HPSE: variants seen among roughly 807,000 people sequenced by gnomAD.
HPSE encodes endo-glucoronidase.
Under a neutral mutation model 65.1 loss-of-function variants are expected in HPSE, and 48 were observed. The ratio of observed to expected loss-of-function variants is 0.74; its 90% CI spans 0.58 to 0.94. The LOEUF (loss-of-function observed/expected upper bound fraction) is 0.94, where lower values mean the gene tolerates loss of function less well. HPSE is among the 40% of genes least tolerant of loss of function. HPSE has a pLI of 0.00. For missense variants in HPSE, 644 were observed against 637.5 expected (o/e 1.01, Z -0.11); for synonymous variants, 243 against 260.0 (o/e 0.93, Z 0.63).
rs70949703 is a variant in HPSE, at chr4:83,325,130, GGTGTGTGTGTGTGTGT to G, written c.228-2782_228-2767del. ...CGTTATATTTTAAATTATACAACTT[GGTGTGTGTGTGTGTGT>G]GTGTGTGTGTGTGTGTGTGTGTGTG... On this transcript the variant is annotated intron_variant, in intron 1 of 11. Transcript: ENST00000311412. Among the ~76,000 whole-genome samples, 1,151 of 134,262 alleles carry G rather than the reference GGTGTGTGTGTGTGTGT, an allele frequency of 8.6e-3. 13 individuals are homozygous for G. Among genetic ancestry groups the G allele is most frequent in the Middle Eastern group, 0.027 (7 of 264 alleles). The allele number at this position is 134,262 out of a possible 152,430, so 88.1% of individuals were successfully genotyped here.
chr4:83,303,810 T>A (rs977761232), intron 9 of HPSE, among the ~76,000 whole-genome samples: 3 of 152,180 alleles, frequency 2.0e-5, no homozygotes, highest in African/African-American at 7.2e-5. Flanking sequence ...ATTACAGGTG[T>A]GAGCCACCAC....
Position 83,301,023 on chromosome 4 carries a change from A to G in HPSE, c.1409T>C (p.Phe470Ser), listed in dbSNP as rs1037516976. The G allele has an allele frequency of 3.7e-6, 6 of 1,608,904 alleles. No homozygotes were observed. In the African/African-American group the frequency reaches 6.7e-5, roughly 18 times the overall value. ...VTKYLRLPYP[F>S]SNKQVDKYLL... ...GTATTTATCCACTTGCTTGTTAGAAAAAGGATAGGGTAACCGCAAGTACTT... is the reference window on the plus strand; with the variant it reads ...GTATTTATCCACTTGCTTGTTAGAAGAAGGATAGGGTAACCGCAAGTACTT... Residue 470 changes from phenylalanine to serine, a missense_variant, in exon 11 of 12, where the codon TTT becomes TCT. Physicochemically the swap from Phe to Ser is radical, Grantham distance 155. Transcript: ENST00000311412.
intron 10 of HPSE, among the ~76,000 whole-genome samples, chr4:83,301,391 G>A (rs1735943128): frequency 6.6e-6 from 1 of 152,122 alleles, no homozygotes. Flanking sequence ...CTGCCAGCTG[G>A]GTTGTTAAGA....
At chr4:83,312,832 C>G (rs1736454089) in intron 4 of HPSE, among the ~76,000 whole-genome samples, 2 of 46,970 alleles carry the variant, frequency 4.3e-5, no homozygotes, top group Non-Finnish European at 7.7e-5. Context: ...CCCGTCTCTA[C>G]TAAAAATGCA....
At chr4:83,308,134 G>A (rs968277169) in intron 8 of HPSE, among the ~76,000 whole-genome samples, 3 of 150,726 alleles carry the variant, frequency 2.0e-5, no homozygotes, top group East Asian at 1.9e-4. Context: ...GTGGCCGGGC[G>A]TGGTGGCTCA....
At chr4:83,295,876 C>A (rs1030490067) in intron 11 of HPSE, among the ~76,000 whole-genome samples, 3 of 152,130 alleles carry the variant, frequency 2.0e-5, no homozygotes, top group African/African-American at 7.2e-5. Flanking sequence ...ATAATTGAAA[C>A]CTTTTTTATG....
chr4:83,327,679 T>C (rs1285838615), intron 1 of HPSE, among the ~76,000 whole-genome samples: 1 of 152,182 alleles, frequency 6.6e-6, no homozygotes, highest in African/African-American at 2.4e-5. Flanking sequence ...AAAGCAGAGG[T>C]GTGCTGGAGT....
chr4:83,319,280 C>T (rs1322969553), intron 3 of HPSE, 64 bp downstream of exon 3: 31 of 1,534,286 alleles, frequency 2.0e-5, no homozygotes, highest in African/African-American at 2.8e-5. Context: ...GATTGGTGCC[C>T]GAGTCCAACC....
intron 8 of HPSE, among the ~76,000 whole-genome samples, chr4:83,306,558 A>G (rs1667223369): frequency 6.6e-6 from 1 of 152,090 alleles, no homozygotes; most frequent in Admixed American, 6.6e-5. Context: ...TGGGACTGAA[A>G]CCGCCTTTGC....
chr4:83,332,439 G>A (rs1355518757), intron 1 of HPSE, among the ~76,000 whole-genome samples: 1 of 152,242 alleles, frequency 6.6e-6, no homozygotes, highest in African/African-American at 2.4e-5. Context: ...CTCTCCAAGC[G>A]AAGCGGGCTG....
chr4:83,293,781 C>T lies in HPSE; in HGVS notation c.*1563G>A, dbSNP rs890410661. 3 of 152,144 alleles carry T rather than the reference C, an allele frequency of 2.0e-5. No individual in the cohort carries two copies. Among genetic ancestry groups the T allele is most frequent in the African/African-American group, 7.2e-5 (3 of 41,420 alleles). The allele number at this position is 152,144 out of a possible 1,614,324, so 9.4% of individuals were successfully genotyped here. A position where few individuals can be genotyped will look rare whatever the true frequency, so the allele number is the denominator to read the frequency against. ...TATACTATCATATCTAACAATCTGT[C>T]CTCTCACATATTATTGCTGACAAAG... On this transcript the variant is annotated 3_prime_UTR_variant, in exon 12 of 12. Coordinates refer to ENST00000311412, the MANE Select transcript of HPSE (RefSeq NM_001098540.3).
intron 1 of HPSE, among the ~76,000 whole-genome samples, chr4:83,323,751 AT>A: frequency 6.6e-6 from 1 of 152,212 alleles, no homozygotes; most frequent in Non-Finnish European, 1.5e-5. Flanking sequence ...CTAAATGCAT[AT>A]TCTGTCAAGC....
chr4:83,311,113 A>G (rs1736352737), intron 4 of HPSE, among the ~76,000 whole-genome samples: 1 of 151,734 alleles, frequency 6.6e-6, no homozygotes, highest in African/African-American at 2.4e-5. Context: ...GTTTGAGACC[A>G]CTCTGGGTAA....
chr4:83,329,893 AAGCAGG>A (rs1464035845), intron 1 of HPSE, among the ~76,000 whole-genome samples: 1 of 152,124 alleles, frequency 6.6e-6, no homozygotes, highest in Non-Finnish European at 1.5e-5. Flanking sequence ...AGAGTGCCGT[AAGCAGG>A]AGCACTGGAT....
At chr4:83,308,394 G>C (rs943262615) in intron 8 of HPSE, among the ~76,000 whole-genome samples, 34 of 150,198 alleles carry the variant, frequency 2.3e-4, no homozygotes, top group African/African-American at 8.3e-4. Context: ...TGACAGAGGG[G>C]AAAAAAAAAG....
intron 3 of HPSE, among the ~76,000 whole-genome samples, chr4:83,318,956 G>C (rs1309990219): frequency 1.3e-5 from 2 of 152,014 alleles, no homozygotes; most frequent in Non-Finnish European, 2.9e-5. Flanking sequence ...GGCATACTGG[G>C]GGTTATTTCT....
rs745886551 is a variant in HPSE, at chr4:83,319,428, TCTC to T, written c.412_414del (p.Glu138del). 21 of 1,613,772 alleles carry T rather than the reference TCTC, an allele frequency of 1.3e-5. No homozygotes were observed. Among genetic ancestry groups the T allele is most frequent in the South Asian group, 6.6e-5 (6 of 91,066 alleles). On this transcript the variant is annotated inframe_deletion, in exon 3 of 12. Transcript: ENST00000311412. ...TGGTAGGGCCATTCCAACCGTAACT[TCTC>T]CTCCACATCAGGAGGGATGGATCCA...
intron 6 of HPSE, 22 bp from the exon 7 acceptor site, chr4:83,309,517 C>A (rs1385134196): frequency 7.9e-7 from 1 of 1,272,740 alleles, no homozygotes; most frequent in Admixed American, 1.9e-5. Context: ...AGAAAATATT[C>A]AGAAAAAAAA....
chr4:83,333,517 C>G (rs1274615148), intron 1 of HPSE, among the ~76,000 whole-genome samples: 1 of 152,180 alleles, frequency 6.6e-6, no homozygotes, highest in Non-Finnish European at 1.5e-5. Context: ...ATCTTTCCCT[C>G]TATCTGGGCT....
Sources: allele counts gnomAD v4.1 joint callset (sites outside exome capture counted in the v4.1 genomes callset), GRCh38; gene constraint gnomAD v4.1.1; transcripts MANE v1.5; gene names NCBI Gene and HGNC (gene_info 2026-07-23, HGNC 2026-07-21).